The following PCDHGA7 variants were observed in gnomAD, a reference collection of about 807,000 sequenced individuals.
The protein encoded by PCDHGA7 is protocadherin gamma subfamily A, 7, also known as protocadherin gamma-A7.
Under a neutral mutation model 58.3 loss-of-function variants are expected in PCDHGA7, and 44 were observed. That is an observed-to-expected ratio of 0.75 (90% confidence interval 0.59 to 0.97). The LOEUF (loss-of-function observed/expected upper bound fraction) is 0.97. PCDHGA7 is among the 50% of genes least tolerant of loss of function. The pLI, the probability that PCDHGA7 is intolerant of heterozygous loss-of-function variation, is 0.00. For missense variants in PCDHGA7, 1,266 were observed against 1,188.7 expected, an observed-to-expected ratio of 1.06 and a Z score of -0.96; for synonymous variants, 516 against 504.2, an observed-to-expected ratio of 1.02 and a Z score of -0.31.
At position 141,476,573 on chromosome 5, in the gene PCDHGA7, C is replaced by T; in HGVS notation, c.2425-18234C>T. 6.2e-7 allele frequency: 1 copy of T among 1,614,216 alleles called. No homozygotes were observed. Among genetic ancestry groups the T allele is most frequent in the Non-Finnish European group, 8.5e-7 (1 of 1,180,038 alleles). On this transcript the variant is annotated intron_variant, in intron 1 of 3. Coordinates refer to ENST00000518325, the MANE Select transcript of PCDHGA7 (RefSeq NM_018920.4). The surrounding 1 kb of genome is among the most constrained non-coding windows in gnomAD (Gnocchi z 7.6). ...TAGCGAGGCCGTGGCTCCGGGGACG[C>T]GCTTTCCGCTCGAGAGCGCGCACGA... is the stretch of plus-strand genomic sequence containing the variant.
chr5:141,431,438 C>A lies in PCDHGA7; in HGVS notation c.2424+46115C>A, dbSNP rs773812765. 6.2e-7 allele frequency: 1 copy of A among 1,613,612 alleles called. No homozygotes were observed. The highest frequency in any genetic ancestry group is 1.7e-5 in the Admixed American group (1 of 60,004). ...CGACCCGGTGCGCACAGGCACCGCG[C>A]GCATCCGCGTGATGGTTCTGGATGC... On this transcript the variant is annotated intron_variant, in intron 1 of 3. Coordinates refer to ENST00000518325, the MANE Select transcript of PCDHGA7 (RefSeq NM_018920.4). This position sits in a 1 kb window ranked among gnomAD's most constrained non-coding sequence, Gnocchi z 4.8.
At position 141,385,108 on chromosome 5, in the gene PCDHGA7, A is replaced by C; in HGVS notation, c.2209A>C (p.Thr737Pro). ...AGAAGGTGGCTTGGCGAACGTGCCCACCTCGCACTTTGTGGGCATGGACGG... is the reference window on the plus strand; with the variant it reads ...AGAAGGTGGCTTGGCGAACGTGCCCCCCTCGCACTTTGTGGGCATGGACGG... ...ASEGGLANVP[T>P]SHFVGMDGVQ... Residue 737 changes from threonine (T) to proline (P), a missense_variant, in exon 1 of 4, where the codon ACC becomes CCC. Physicochemically the swap from Thr to Pro is conservative, Grantham distance 38. Transcript: ENST00000518325. The C allele has an allele frequency of 6.2e-7, 1 of 1,614,126 alleles. No individual in the cohort carries two copies. Among genetic ancestry groups the C allele is most frequent in the Non-Finnish European group, 8.5e-7 (1 of 1,180,030 alleles).
At chr5:141,459,763 G>A (rs1243169814) in intron 1 of PCDHGA7, among the ~76,000 whole-genome samples, 1 of 152,206 alleles carries the variant, frequency 6.6e-6, no homozygotes, top group South Asian at 2.1e-4. Context: ...GTGGGTGTGT[G>A]ATACTATCTC....
chr5:141,421,307 T>C, intron 1 of PCDHGA7: 10 of 1,613,674 alleles, frequency 6.2e-6, no homozygotes, highest in Non-Finnish European at 8.5e-6. Context: ...CTGCGGGGGT[T>C]CCGGGCCAGG....
chr5:141,403,401 C>T (rs746777998), intron 1 of PCDHGA7: 1 of 1,614,052 alleles, frequency 6.2e-7, no homozygotes, highest in South Asian at 1.1e-5. Context: ...GTTCCTGGAG[C>T]ACGTTATCCA....
At chr5:141,434,119 C>T (rs2097673106) in intron 1 of PCDHGA7, among the ~76,000 whole-genome samples, 1 of 152,180 alleles carries the variant, frequency 6.6e-6, no homozygotes, top group Non-Finnish European at 1.5e-5. Flanking sequence ...GCCTTTGGGA[C>T]TCCCTTTAGG....
At chr5:141,405,448 CT>C in intron 1 of PCDHGA7, 1 of 1,314,740 alleles carries the variant, frequency 7.6e-7, no homozygotes, top group Non-Finnish European at 1.1e-6. Flanking sequence ...GAGACAGAGT[CT>C]TACTCTGTTA....
At chr5:141,426,876 C>T (rs796453479) in intron 1 of PCDHGA7, 2 of 456,726 alleles carry the variant, frequency 4.4e-6, no homozygotes, top group African/African-American at 2.0e-5. Context: ...GGAGAAGCCC[C>T]TGGGCCAGGA....
In PCDHGA7 at chr5:141,415,516, G is replaced by T. The variant is rs199990575; in HGVS notation, c.2424+30193G>T. The T allele has an allele frequency of 1.9e-6, 3 of 1,614,220 alleles. No individual in the cohort carries two copies. In the African/African-American group the frequency reaches 4.0e-5, roughly 22 times the overall value. ...GATCTTCCCCCAGCCCAATTATGCG[G>T]ACACGCTCATCAGCCAGGAGAGCTG... On this transcript the variant is annotated intron_variant, in intron 1 of 3. Coordinates refer to ENST00000518325, the MANE Select transcript of PCDHGA7 (RefSeq NM_018920.4).
intron 1 of PCDHGA7, chr5:141,398,849 T>G: frequency 6.2e-7 from 1 of 1,613,874 alleles, no homozygotes; most frequent in Admixed American, 1.7e-5. Flanking sequence ...AATCCCCCGG[T>G]ATTCAACCGA....
chr5:141,412,975 C>G (rs1221821871), intron 1 of PCDHGA7: 3 of 532,642 alleles, frequency 5.6e-6, no homozygotes, highest in Non-Finnish European at 9.7e-6. Flanking sequence ...AGAGAAAACG[C>G]AGCCAGAGCT....
Position 141,422,132 on chromosome 5 carries a change from T to C in PCDHGA7, c.2424+36809T>C, listed in dbSNP as rs768931697. ...CAATTGGATTCACAAACTGGAGAAG[T>C]TCAAGTACGGGGGTCTCTGGATTTT... On this transcript the variant is annotated intron_variant, in intron 1 of 3. Coordinates refer to ENST00000518325, the MANE Select transcript of PCDHGA7 (RefSeq NM_018920.4). The C allele has an allele frequency of 1.2e-5, 19 of 1,598,396 alleles. No individual in the cohort carries two copies. In the South Asian group the frequency reaches 2.0e-4, roughly 17 times the overall value.
chr5:141,505,596 T>G (rs2099846990), intron 3 of PCDHGA7, 115 bp downstream of exon 3: 1 of 1,562,168 alleles, frequency 6.4e-7, no homozygotes, highest in African/African-American at 1.4e-5. Context: ...CTCCAGATCT[T>G]TCGGCAGGTC....
At chr5:141,488,705 G>C (rs1024064135) in intron 1 of PCDHGA7, among the ~76,000 whole-genome samples, 8 of 152,200 alleles carry the variant, frequency 5.3e-5, no homozygotes, top group Non-Finnish European at 1.2e-4. Context: ...AGATTTTGCT[G>C]GTTCAAGCAA....
Position 141,384,766 on chromosome 5 carries a change from A to T in PCDHGA7, c.1867A>T (p.Thr623Ser), listed in dbSNP as rs1277766667. 1 of 1,613,916 alleles carries T rather than the reference A, an allele frequency of 6.2e-7. No individual in the cohort carries two copies. Among genetic ancestry groups the T allele is most frequent in the South Asian group, 1.1e-5 (1 of 91,086 alleles). The change falls in exon 1 of 4, where the codon ACG (threonine) becomes TCG (serine). Residue 623 changes from threonine (T) to serine (S), a missense_variant. Coordinates refer to ENST00000518325, the MANE Select transcript of PCDHGA7 (RefSeq NM_018920.4). ...EPGLFAVGLY[T>S]GEVRTARALL... ...AGGACTCTTTGCGGTTGGGCTGTACACGGGCGAGGTGCGCACGGCTCGGGC... is the reference window on the plus strand; with the variant it reads ...AGGACTCTTTGCGGTTGGGCTGTACTCGGGCGAGGTGCGCACGGCTCGGGC...
At chr5:141,501,510 T>G (rs11744379) in intron 2 of PCDHGA7, among the ~76,000 whole-genome samples, 29,206 of 151,772 alleles carry the variant, frequency 0.19, 2,837 homozygotes, top group Middle Eastern at 0.24. Context: ...CTCCAAGGCC[T>G]CCAAGCTGAA....
At chr5:141,423,090 G>T in intron 1 of PCDHGA7, 5 of 1,614,022 alleles carry the variant, frequency 3.1e-6, no homozygotes, top group South Asian at 2.2e-5. Context: ...TCGCGGTGGG[G>T]GAGCACACGG....
chr5:141,422,106 C>G (rs763336868), intron 1 of PCDHGA7: 1 of 1,607,266 alleles, frequency 6.2e-7, no homozygotes, highest in Admixed American at 1.7e-5. Flanking sequence ...CTGAAATATT[C>G]CAATTGGATT....
At chr5:141,464,682 T>C (rs1442997972) in intron 1 of PCDHGA7, among the ~76,000 whole-genome samples, 1 of 152,132 alleles carries the variant, frequency 6.6e-6, no homozygotes, top group Non-Finnish European at 1.5e-5. Flanking sequence ...TTAATTAAAA[T>C]TTCTCTTATT....
Sources: gnomAD v4.1 joint callset for allele counts (sites outside exome capture counted in the v4.1 genomes callset) on GRCh38, gnomAD v4.1.1 for gene constraint, Gnocchi (gnomAD v3.1) non-coding constraint, MANE v1.5 for transcripts, NCBI Gene and HGNC (gene_info 2026-07-23, HGNC 2026-07-21) for gene names.